Variants in CAPZB observed in about 807,000 individuals in gnomAD.
The protein encoded by CAPZB is capping actin protein of muscle Z-line subunit beta, also known as F-actin-capping protein subunit beta.
CAPZB carries 2 observed loss-of-function variants against 38.1 expected under a neutral mutation model. The observed-to-expected ratio is 0.05, with a 90% CI of 0.02 to 0.17. CAPZB has a LOEUF of 0.17. Among genes scored for constraint, CAPZB ranks in the 10% least tolerant of loss-of-function variants. The probability of loss-of-function intolerance (pLI) is 1.00; values close to 1 mark genes in which losing one functional copy is unlikely to be tolerated. For synonymous variants in CAPZB, 107 were observed against 127.4 expected, an observed-to-expected ratio of 0.84 and a Z score of 1.08; for missense variants, 161 against 334.2, an observed-to-expected ratio of 0.48 and a Z score of 4.04.
At chr1:19,440,033 T>A (rs1388959580) in intron 1 of CAPZB, among the ~76,000 whole-genome samples, 1 of 152,172 alleles carries the variant, frequency 6.6e-6, no homozygotes, top group Non-Finnish European at 1.5e-5. Context: ...CTACCGGTTT[T>A]CCCTACAGCT....
chr1:19,400,955 T>C (rs1276068451), intron 2 of CAPZB, among the ~76,000 whole-genome samples: 1 of 152,156 alleles, frequency 6.6e-6, no homozygotes, highest in Non-Finnish European at 1.5e-5. Context: ...TGTAGCACTG[T>C]TGCACATTGA....
intron 2 of CAPZB, among the ~76,000 whole-genome samples, chr1:19,411,930 C>T (rs1363848296): frequency 1.3e-5 from 2 of 152,192 alleles, no homozygotes; most frequent in Non-Finnish European, 2.9e-5. Context: ...GGCCGCCATC[C>T]TCCGGAGAGG....
At position 19,356,628 on chromosome 1, in the gene CAPZB, ACT is replaced by A; in HGVS notation, c.588+5_588+6del. ...ACTGGCAAGTGGCTATGAGCGGGTA[ACT>A]CTACCTGTCTGGTAAGGCTGCCTCC... On this transcript the variant is annotated splice_donor_5th_base_variant and intron_variant, in intron 6 of 8. Coordinates refer to ENST00000264202, the MANE Select transcript of CAPZB (RefSeq NM_004930.5). This position sits in a 1 kb window ranked among gnomAD's most constrained non-coding sequence, Gnocchi z 4.3. 3 of 1,602,014 alleles carry A rather than the reference ACT, an allele frequency of 1.9e-6. No homozygotes were observed. The highest frequency in any genetic ancestry group is 2.6e-6 in the Non-Finnish European group (3 of 1,168,974).
chr1:19,433,385 T>C (rs1339477076), intron 1 of CAPZB, among the ~76,000 whole-genome samples: 1 of 152,224 alleles, frequency 6.6e-6, no homozygotes, highest in African/African-American at 2.4e-5. Context: ...GTCGACCACG[T>C]GTTCACTGAC....
At chr1:19,422,299 A>G (rs1227927465) in intron 1 of CAPZB, among the ~76,000 whole-genome samples, 2 of 152,096 alleles carry the variant, frequency 1.3e-5, no homozygotes, top group Non-Finnish European at 2.9e-5. Flanking sequence ...CGCGATACAC[A>G]GCCTCCCCAC....
chr1:19,346,817 C>CTTTTT (rs34733600), intron 6 of CAPZB, among the ~76,000 whole-genome samples: 6 of 84,092 alleles, frequency 7.1e-5, no homozygotes, highest in Admixed American at 1.4e-4. Flanking sequence ...CGACTTTTGT[C>CTTTTT]TTTTTTTTTT....
intron 1 of CAPZB, among the ~76,000 whole-genome samples, chr1:19,478,338 G>T (rs762669119): frequency 6.6e-6 from 1 of 152,178 alleles, no homozygotes; most frequent in Non-Finnish European, 1.5e-5. Flanking sequence ...AATAATAAGA[G>T]ATAACACTCC....
At chr1:19,354,596 T>C (rs2094010068) in intron 6 of CAPZB, among the ~76,000 whole-genome samples, 2 of 152,178 alleles carry the variant, frequency 1.3e-5, no homozygotes, top group East Asian at 1.9e-4. Context: ...CTGGCCAAGG[T>C]GTGCTGAGGA....
intron 1 of CAPZB, among the ~76,000 whole-genome samples, chr1:19,443,882 T>G (rs900940005): frequency 6.6e-6 from 1 of 152,032 alleles, no homozygotes; most frequent in Non-Finnish European, 1.5e-5. Flanking sequence ...CCCCAGGGAG[T>G]GCACACACAC....
At chr1:19,473,795 C>T (rs756813773) in intron 1 of CAPZB, among the ~76,000 whole-genome samples, 3 of 152,026 alleles carry the variant, frequency 2.0e-5, no homozygotes, top group Admixed American at 6.6e-5. Context: ...ACCCAGAAGG[C>T]GGAAGTTGCA....
intron 8 of CAPZB, chr1:19,343,007 AGTG>A (rs2093940534): frequency 1.5e-6 from 1 of 664,314 alleles, no homozygotes; most frequent in Admixed American, 2.1e-5. Context: ...TGGGGTGTGG[AGTG>A]GTATCGCCGC....
chr1:19,390,817 C>G (rs548701025), intron 2 of CAPZB, among the ~76,000 whole-genome samples: 4 of 152,172 alleles, frequency 2.6e-5, no homozygotes, highest in African/African-American at 9.7e-5. Flanking sequence ...GTGGAAGGAC[C>G]AGGTGATCGT....
chr1:19,448,917 G>A (rs777568485), intron 1 of CAPZB: 3 of 1,612,900 alleles, frequency 1.9e-6, no homozygotes, highest in Non-Finnish European at 2.5e-6. Context: ...CTGGGCATTG[G>A]AGGAGGTGAT....
intron 1 of CAPZB, among the ~76,000 whole-genome samples, chr1:19,425,810 A>G (rs555063285): frequency 7.2e-5 from 11 of 152,326 alleles, no homozygotes; most frequent in Admixed American, 2.6e-4. Flanking sequence ...TTGGCCTACT[A>G]GGCAAACTCC....
intron 2 of CAPZB, chr1:19,385,840 G>A (rs948414147): frequency 5.0e-5 from 35 of 701,054 alleles, no homozygotes; most frequent in Admixed American, 1.6e-4. Flanking sequence ...TTACAGTGGA[G>A]CGTGATTTCT....
intron 8 of CAPZB, chr1:19,342,962 C>A (rs1263260672): frequency 3.9e-6 from 3 of 779,164 alleles, no homozygotes; most frequent in Non-Finnish European, 6.8e-6. Context: ...TTCAGGGAGA[C>A]CCACGAGGCG....
chr1:19,349,352 G>A (rs898787538), intron 6 of CAPZB, among the ~76,000 whole-genome samples: 5 of 152,224 alleles, frequency 3.3e-5, no homozygotes, highest in South Asian at 2.1e-4. Context: ...GGAAATGAAT[G>A]AGGTCCTTCC....
At chr1:19,422,915 G>A (rs1010368827) in intron 1 of CAPZB, among the ~76,000 whole-genome samples, 1 of 152,200 alleles carries the variant, frequency 6.6e-6, no homozygotes, top group African/African-American at 2.4e-5. Flanking sequence ...GGATTAACTA[G>A]AAAACTGAGC....
At chr1:19,392,001 C>T (rs550470929) in intron 2 of CAPZB, among the ~76,000 whole-genome samples, 2 of 152,164 alleles carry the variant, frequency 1.3e-5, no homozygotes, top group East Asian at 1.9e-4. Context: ...GCCAATGTGG[C>T]AAAACCCCAT....
Sources: gnomAD v4.1 joint callset for allele counts (sites outside exome capture counted in the v4.1 genomes callset) on GRCh38, gnomAD v4.1.1 for gene constraint, Gnocchi (gnomAD v3.1) non-coding constraint, MANE v1.5 for transcripts, NCBI Gene and HGNC (gene_info 2026-07-23, HGNC 2026-07-21) for gene names.